The following TANC2 variants were observed in gnomAD, a reference collection of about 807,000 sequenced individuals.
TANC2 encodes the protein tetratricopeptide repeat, ankyrin repeat and coiled-coil containing 2.
In TANC2, 26 loss-of-function variants were observed where a neutral mutation model predicts 210.5. That is an observed-to-expected ratio of 0.12 (90% CI 0.09 to 0.17). The LOEUF (loss-of-function observed/expected upper bound fraction) is 0.17, where lower values mean the gene tolerates loss of function less well. Among genes scored for constraint, TANC2 ranks in the 10% least tolerant of loss-of-function variants. The pLI is 1.00. For missense variants in TANC2, 2,129 were observed against 2,608.9 expected, an observed-to-expected ratio of 0.82 and a Z score of 4.01; for synonymous variants, 931 against 967.1, an observed-to-expected ratio of 0.96 and a Z score of 0.69.
At chr17:63,201,062 G>A (rs1453980733) in intron 7 of TANC2, 105 bp downstream of exon 7, 1 of 1,034,432 alleles carries the variant, frequency 9.7e-7, no homozygotes, top group Non-Finnish European at 1.4e-6. Context: ...TTGTTGAGAT[G>A]TATATATAAA....
At chr17:63,310,447 C>A (rs1443413078) in intron 9 of TANC2, among the ~76,000 whole-genome samples, 1 of 151,082 alleles carries the variant, frequency 6.6e-6, no homozygotes, top group Non-Finnish European at 1.5e-5. Flanking sequence ...GATTCCATCT[C>A]AAAAAAAGAA....
At chr17:63,034,495 T>G (rs1453405617) in intron 2 of TANC2, among the ~76,000 whole-genome samples, 1 of 152,204 alleles carries the variant, frequency 6.6e-6, no homozygotes, top group Non-Finnish European at 1.5e-5. Flanking sequence ...ATTTTGACTT[T>G]TAAGTCATAT....
exon 28 of TANC2, chr17:63,427,624 T>A (rs2049175027): frequency 6.6e-6 from 1 of 152,274 alleles, no homozygotes; most frequent in Non-Finnish European, 1.5e-5. Context: ...CTGCCCCATG[T>A]ATACAGATTG....
intron 14 of TANC2, among the ~76,000 whole-genome samples, chr17:63,357,025 A>C (rs1024894796): frequency 6.6e-6 from 1 of 152,214 alleles, no homozygotes; most frequent in Non-Finnish European, 1.5e-5. Context: ...AGAAACAATA[A>C]AAACAATCCA....
chr17:63,347,591 G>C (rs1451579485), intron 12 of TANC2, among the ~76,000 whole-genome samples: 2 of 152,090 alleles, frequency 1.3e-5, no homozygotes, highest in Non-Finnish European at 2.9e-5. Context: ...TTCAAATTAT[G>C]TATTTTCTTT....
At chr17:63,215,757 T>TA (rs2042008937) in intron 7 of TANC2, among the ~76,000 whole-genome samples, 2 of 151,580 alleles carry the variant, frequency 1.3e-5, no homozygotes. Context: ...TTATTATTAT[T>TA]TTTTTTTTCT....
intron 2 of TANC2, among the ~76,000 whole-genome samples, chr17:63,014,724 C>G (rs1476325016): frequency 6.6e-6 from 1 of 152,094 alleles, no homozygotes; most frequent in Non-Finnish European, 1.5e-5. Flanking sequence ...ATTATTAAAT[C>G]CATACATGTT....
chr17:62,983,629 A>C lies in TANC2; in HGVS notation c.-24+16880A>C, dbSNP rs1440058808. 3.3e-5 allele frequency among the ~76,000 whole-genome samples: 5 copies of C among 152,200 alleles called. No individual in the cohort carries two copies. In the East Asian group the frequency reaches 9.7e-4, roughly 29 times the overall value. On this transcript the variant is annotated intron_variant, in intron 1 of 27. Transcript: ENST00000689528. Reference sequence around the variant, plus strand: ...GTCATATATGGCCTTTACTGTGTCAAGGTACTTCCTTTTATACCTTATTTA... The same window carrying C: ...GTCATATATGGCCTTTACTGTGTCACGGTACTTCCTTTTATACCTTATTTA...
intron 11 of TANC2, among the ~76,000 whole-genome samples, chr17:63,325,983 T>G (rs185939443): frequency 1.3e-5 from 2 of 152,352 alleles, no homozygotes; most frequent in Admixed American, 1.3e-4. Flanking sequence ...TTATCGGCCC[T>G]AACCTCCTTT....
At chr17:63,002,993 G>A (rs1409451600) in intron 1 of TANC2, among the ~76,000 whole-genome samples, 2 of 152,144 alleles carry the variant, frequency 1.3e-5, no homozygotes, top group African/African-American at 4.8e-5. Context: ...AATAGTAGAG[G>A]TGGAGTCATG....
At chr17:63,371,278 A>C (rs1380586487) in intron 14 of TANC2, among the ~76,000 whole-genome samples, 1 of 152,120 alleles carries the variant, frequency 6.6e-6, no homozygotes, top group Non-Finnish European at 1.5e-5. Context: ...CAGCCTGGCT[A>C]ACATGGTGAA....
intron 9 of TANC2, among the ~76,000 whole-genome samples, chr17:63,287,284 G>A (rs1490031202): frequency 6.6e-6 from 1 of 152,068 alleles, no homozygotes; most frequent in Non-Finnish European, 1.5e-5. Context: ...GAGTCTTATA[G>A]CTTCCTTGTT....
chr17:63,254,200 A>G (rs757600896), intron 8 of TANC2, among the ~76,000 whole-genome samples: 8 of 151,872 alleles, frequency 5.3e-5, no homozygotes, highest in Non-Finnish European at 1.2e-4. Flanking sequence ...ATCTTTCACT[A>G]TTCTACTTAA....
At chr17:63,087,479 T>C (rs2037017521) in intron 3 of TANC2, among the ~76,000 whole-genome samples, 1 of 152,158 alleles carries the variant, frequency 6.6e-6, no homozygotes, top group Non-Finnish European at 1.5e-5. Context: ...TGGAACAGGA[T>C]GGCTAGAGGA....
chr17:63,329,072 C>A (rs879717459), intron 11 of TANC2, among the ~76,000 whole-genome samples: 41 of 152,096 alleles, frequency 2.7e-4, no homozygotes, highest in Non-Finnish European at 5.1e-4. Flanking sequence ...AATGCAGAGG[C>A]AGATTTGGGA....
chr17:63,235,833 T>C (rs529796252), intron 7 of TANC2, among the ~76,000 whole-genome samples: 1 of 152,020 alleles, frequency 6.6e-6, no homozygotes, highest in African/African-American at 2.4e-5. Flanking sequence ...GTTTTATAAT[T>C]ATTGCTAAAA....
chr17:63,206,741 T>C (rs1206289653), intron 7 of TANC2, among the ~76,000 whole-genome samples: 1 of 152,162 alleles, frequency 6.6e-6, no homozygotes, highest in African/African-American at 2.4e-5. Flanking sequence ...TAGGAAGTTA[T>C]TGTTTAATGG....
intron 7 of TANC2, among the ~76,000 whole-genome samples, chr17:63,226,172 G>A (rs1414264287): frequency 6.6e-6 from 1 of 152,036 alleles, no homozygotes; most frequent in Admixed American, 6.6e-5. Flanking sequence ...TTTATTTCAT[G>A]CATTTAGAAA....
intron 2 of TANC2, among the ~76,000 whole-genome samples, chr17:63,011,767 A>G (rs1289426756): frequency 1.3e-5 from 2 of 152,114 alleles, no homozygotes; most frequent in African/African-American, 4.8e-5. Flanking sequence ...TAGTATTTGC[A>G]AAATATGACT....
Sources: allele counts gnomAD v4.1 joint callset (sites outside exome capture counted in the v4.1 genomes callset), GRCh38; gene constraint gnomAD v4.1.1; transcripts MANE v1.5; gene names NCBI Gene and HGNC (gene_info 2026-07-23, HGNC 2026-07-21).